NEBL: variants seen among roughly 807,000 people sequenced by gnomAD.
The protein encoded by NEBL is nebulette.
In NEBL, 122 loss-of-function variants were observed where a neutral mutation model predicts 140.2. The observed-to-expected ratio is 0.87, with a 90% CI of 0.75 to 1.01. The LOEUF is 1.01. Ranked by LOEUF, NEBL falls within the 50% of genes least tolerant of loss-of-function variation. NEBL has a pLI of 0.00. For missense variants in NEBL, 1,365 were observed against 1,231.3 expected (o/e 1.11, Z -1.62); for synonymous variants, 436 against 398.9 (o/e 1.09, Z -1.11).
At chr10:20,805,108 G>A (rs906173326) in intron 26 of NEBL, among the ~76,000 whole-genome samples, 5 of 152,164 alleles carry the variant, frequency 3.3e-5, no homozygotes, top group Non-Finnish European at 7.4e-5. Context: ...AACTAGACAT[G>A]GGGTATGAGT....
At chr10:21,124,771 T>C (rs1422992161) in intron 2 of NEBL, among the ~76,000 whole-genome samples, 1 of 152,158 alleles carries the variant, frequency 6.6e-6, no homozygotes, top group Non-Finnish European at 1.5e-5. Flanking sequence ...CTCGGCAACA[T>C]AGCAAGACCC....
chr10:21,102,067 C>G (rs1837503890), intron 2 of NEBL, among the ~76,000 whole-genome samples: 1 of 152,188 alleles, frequency 6.6e-6, no homozygotes, highest in Non-Finnish European at 1.5e-5. Context: ...CTGTAACTAT[C>G]CTGAACAATT....
chr10:21,036,706 T>C (rs1214387269), intron 2 of NEBL, among the ~76,000 whole-genome samples: 1 of 151,902 alleles, frequency 6.6e-6, no homozygotes, highest in Non-Finnish European at 1.5e-5. Context: ...GCAAAGCACG[T>C]TCCTCCAGCA....
chr10:20,787,060 G>A, intron 27 of NEBL, 142 bp downstream of exon 27: 1 of 793,918 alleles, frequency 1.3e-6, no homozygotes, highest in East Asian at 2.7e-5. Context: ...CTTCAAAAGA[G>A]TTGTATAAAT....
intron 4 of NEBL, among the ~76,000 whole-genome samples, chr10:20,934,762 G>A (rs1017185501): frequency 2.0e-5 from 3 of 152,174 alleles, no homozygotes; most frequent in East Asian, 1.9e-4. Context: ...ATTGTACTGA[G>A]ATCTGAAGGT....
intron 2 of NEBL, among the ~76,000 whole-genome samples, chr10:21,111,059 G>C (rs936652783): frequency 4.6e-5 from 7 of 152,244 alleles, no homozygotes; most frequent in African/African-American, 1.7e-4. Context: ...CCCCTTCAAG[G>C]AGAACTAAAA....
At chr10:21,221,339 AT>A (rs1289943330) in intron 3 of NEBL, among the ~76,000 whole-genome samples, 2 of 152,216 alleles carry the variant, frequency 1.3e-5, no homozygotes, top group African/African-American at 4.8e-5. Flanking sequence ...GAATAAAAAA[AT>A]AACTGACACA....
At chr10:21,043,690 C>A (rs1021926344) in intron 2 of NEBL, among the ~76,000 whole-genome samples, 12 of 152,128 alleles carry the variant, frequency 7.9e-5, no homozygotes, top group African/African-American at 2.9e-4. Context: ...GTAACTGTCA[C>A]TCCCCAGCAA....
intron 2 of NEBL, among the ~76,000 whole-genome samples, chr10:21,071,321 C>T (rs1490394024): frequency 2.0e-5 from 3 of 151,182 alleles, no homozygotes; most frequent in Non-Finnish European, 4.4e-5. Flanking sequence ...TAGTCATTAC[C>T]ACCCACAAAA....
In NEBL at chr10:20,840,744, T is replaced by C; in HGVS notation, c.1333A>G (p.Ser445Gly). 4 of 1,602,118 alleles carry C rather than the reference T, an allele frequency of 2.5e-6. No homozygotes were observed. Among genetic ancestry groups the C allele is most frequent in the Non-Finnish European group, 3.4e-6 (4 of 1,169,532 alleles). ...TGTTAAATAAACATACTCACCTCAC[T>C]TGCCATTTCAGAGGCTCGCTTTGCT... ...QRAKRASEMA[S>G]EKEYKKDLES... The change falls in exon 13 of 28, where the codon AGT (serine) becomes GGT (glycine). Residue 445 changes from serine to glycine, a missense_variant. Ser to Gly is a moderately conservative substitution (Grantham distance 56). This residue lies in a region of NEBL where 1,323 missense variants were observed against 1,154.8 expected (regional missense o/e 1.15). Coordinates refer to ENST00000377122, the MANE Select transcript of NEBL (RefSeq NM_006393.3).
chr10:20,934,261 A>T (rs1046763097), intron 4 of NEBL, among the ~76,000 whole-genome samples: 1 of 152,166 alleles, frequency 6.6e-6, no homozygotes, highest in Non-Finnish European at 1.5e-5. Flanking sequence ...TGAAACTCAA[A>T]TTCGGCTGTC....
chr10:21,103,189 C>T (rs949253041), intron 2 of NEBL, among the ~76,000 whole-genome samples: 2 of 151,182 alleles, frequency 1.3e-5, no homozygotes, highest in Admixed American at 1.3e-4. Context: ...ATGAGAGTTC[C>T]AGTTACTCCA....
upstream of NEBL, chr10:20,897,481 T>C: frequency 8.4e-7 from 1 of 1,186,644 alleles, no homozygotes; most frequent in Non-Finnish European, 1.0e-6. Flanking sequence ...CAACATTTTT[T>C]CCACTGGTTA....
At chr10:21,225,781 G>T (rs1236176434) in intron 3 of NEBL, among the ~76,000 whole-genome samples, 1 of 152,132 alleles carries the variant, frequency 6.6e-6, no homozygotes, top group Non-Finnish European at 1.5e-5. Flanking sequence ...CTTCAGGGAG[G>T]TGGATGTCCC....
chr10:21,184,972 C>T (rs1841442320), intron 3 of NEBL, among the ~76,000 whole-genome samples: 3 of 152,116 alleles, frequency 2.0e-5, no homozygotes, highest in Admixed American at 2.0e-4. Context: ...CAAGTCAACT[C>T]TTCTGTAAAG....
At chr10:20,808,376 C>T (rs903770309) in intron 26 of NEBL, 134 bp downstream of exon 26, 1 of 903,816 alleles carries the variant, frequency 1.1e-6, no homozygotes, top group Non-Finnish European at 1.6e-6. Context: ...TATTAACTTT[C>T]TGAACTTAAT....
chr10:20,932,609 A>G (rs1465968403), intron 4 of NEBL, among the ~76,000 whole-genome samples: 3 of 152,234 alleles, frequency 2.0e-5, no homozygotes, highest in Non-Finnish European at 2.9e-5. Context: ...AATTTTTAAG[A>G]AAAGAATAAG....
intron 2 of NEBL, among the ~76,000 whole-genome samples, chr10:21,061,749 T>G (rs1408560414): frequency 2.0e-5 from 3 of 152,146 alleles, no homozygotes; most frequent in Non-Finnish European, 4.4e-5. Context: ...GGTTGTGACC[T>G]CCTCAGCCTC....
chr10:21,051,846 C>A (rs1383908762), intron 2 of NEBL, among the ~76,000 whole-genome samples: 3 of 152,124 alleles, frequency 2.0e-5, no homozygotes, highest in South Asian at 4.1e-4. Flanking sequence ...TCAATGATCA[C>A]ATTTGTTCCT....
Sources: allele counts gnomAD v4.1 joint callset (sites outside exome capture counted in the v4.1 genomes callset), GRCh38; gene constraint gnomAD v4.1.1; regional missense constraint gnomAD v4.1.1; transcripts MANE v1.5; gene names NCBI Gene and HGNC (gene_info 2026-07-23, HGNC 2026-07-21).